Variants in CD247 observed in about 807,000 individuals in gnomAD.
CD247 encodes the protein CD247 molecule.
CD247 carries 13 observed loss-of-function variants against 30.0 expected under a neutral mutation model. The ratio of observed to expected loss-of-function variants is 0.43; its 90% CI spans 0.28 to 0.69. The LOEUF (loss-of-function observed/expected upper bound fraction) is 0.69. Among genes scored for constraint, CD247 ranks in the 30% least tolerant of loss-of-function variants. The pLI, the probability that CD247 is intolerant of heterozygous loss-of-function variation, is 0.16. For synonymous variants in CD247, 72 were observed against 80.0 expected (o/e 0.90, Z 0.53); for missense variants, 193 against 212.6 (o/e 0.91, Z 0.57).
At chr1:167,482,594 G>T (rs574972262) in intron 1 of CD247, among the ~76,000 whole-genome samples, 1 of 152,188 alleles carries the variant, frequency 6.6e-6, no homozygotes, top group Non-Finnish European at 1.5e-5. Context: ...GTGGAGAATC[G>T]TGACTCCACA....
chr1:167,435,539 C>G, intron 4 of CD247, 105 bp from the exon 5 acceptor site: 1 of 894,080 alleles, frequency 1.1e-6, no homozygotes, highest in East Asian at 2.4e-5. Flanking sequence ...TCCTGGGGCT[C>G]TGCCGTCTGC....
intron 4 of CD247, among the ~76,000 whole-genome samples, chr1:167,436,895 A>T (rs61806156): frequency 1.5e-4 from 23 of 152,220 alleles, no homozygotes; most frequent in Non-Finnish European, 3.1e-4. Context: ...AAATTAATAC[A>T]ACCATTATGG....
chr1:167,431,503 G>T lies in CD247; in HGVS notation c.*178C>A. 1.4e-6 allele frequency: 1 copy of T among 696,822 alleles called. No individual in the cohort carries two copies. The highest frequency in any genetic ancestry group is 2.6e-6 in the Non-Finnish European group (1 of 383,132). The allele number at this position is 696,822 out of a possible 1,614,324, so 43.2% of individuals were successfully genotyped here. On this transcript the variant is annotated 3_prime_UTR_variant, in exon 8 of 8. Transcript: ENST00000362089. ...CTGGGAGTACACTCCCTTAAAGAGT[G>T]CAGGGACAACAGTCTGTGTGTGAAG...
At chr1:167,463,988 A>C (rs1187200126) in intron 1 of CD247, among the ~76,000 whole-genome samples, 1 of 152,150 alleles carries the variant, frequency 6.6e-6, no homozygotes, top group Non-Finnish European at 1.5e-5. Flanking sequence ...CGAGACAATA[A>C]AACATCCCAG....
At chr1:167,448,082 G>A (rs979924675) in intron 1 of CD247, among the ~76,000 whole-genome samples, 12 of 152,044 alleles carry the variant, frequency 7.9e-5, no homozygotes, top group Non-Finnish European at 1.5e-4. Flanking sequence ...CCCTTTCATC[G>A]AATAACTAAC....
At chr1:167,515,452 G>A (rs927584783) in intron 1 of CD247, among the ~76,000 whole-genome samples, 1 of 152,212 alleles carries the variant, frequency 6.6e-6, no homozygotes, top group Non-Finnish European at 1.5e-5. Context: ...GGCAAAGTAA[G>A]TGGCACTGAG....
intron 1 of CD247, among the ~76,000 whole-genome samples, chr1:167,459,008 G>A (rs181296764): frequency 8.8e-4 from 134 of 151,650 alleles, no homozygotes; most frequent in African/African-American, 3.0e-3. Flanking sequence ...TGTGGCGTGC[G>A]CCTGTTATCC....
chr1:167,512,316 T>C (rs1247480377), intron 1 of CD247, among the ~76,000 whole-genome samples: 1 of 151,974 alleles, frequency 6.6e-6, no homozygotes, highest in African/African-American at 2.4e-5. Context: ...TGTGGTAAGG[T>C]GAGAGCCCAG....
chr1:167,488,685 G>A (rs1654314762), intron 1 of CD247, among the ~76,000 whole-genome samples: 1 of 152,208 alleles, frequency 6.6e-6, no homozygotes. Context: ...CTAGGAGAAA[G>A]TTTGGAAGCC....
At position 167,490,130 on chromosome 1, in the gene CD247, T is replaced by A. The variant is rs1490123031; in HGVS notation, c.58+28278A>T. Among the ~76,000 whole-genome samples, 3 of 151,448 alleles carry A rather than the reference T, an allele frequency of 2.0e-5. No individual in the cohort carries two copies. In the East Asian group the frequency reaches 5.9e-4, roughly 30 times the overall value. ...AAAGCAAGCAATGTCCCCAAGCAAATCCATATATCCGGGACCTACGGCGGC... is the reference window on the plus strand; with the variant it reads ...AAAGCAAGCAATGTCCCCAAGCAAAACCATATATCCGGGACCTACGGCGGC... On this transcript the variant is annotated intron_variant, in intron 1 of 7. Transcript: ENST00000362089.
At chr1:167,505,461 T>C (rs538685206) in intron 1 of CD247, among the ~76,000 whole-genome samples, 1 of 152,390 alleles carries the variant, frequency 6.6e-6, no homozygotes, top group South Asian at 2.1e-4. Flanking sequence ...ATAGCTTTCT[T>C]GCTGCCTGCC....
At chr1:167,506,586 C>G (rs1431324537) in intron 1 of CD247, among the ~76,000 whole-genome samples, 1 of 151,864 alleles carries the variant, frequency 6.6e-6, no homozygotes, top group African/African-American at 2.4e-5. Context: ...GTTGCCAAGG[C>G]TTGCTGTCTA....
At chr1:167,484,021 C>T (rs993281786) in intron 1 of CD247, among the ~76,000 whole-genome samples, 22 of 152,312 alleles carry the variant, frequency 1.4e-4, no homozygotes, top group Admixed American at 1.2e-3. Flanking sequence ...CCGCTGGTGC[C>T]GTGTGGGAGT....
intron 1 of CD247, among the ~76,000 whole-genome samples, chr1:167,467,693 G>T (rs1653321390): frequency 6.6e-6 from 1 of 152,072 alleles, no homozygotes; most frequent in Non-Finnish European, 1.5e-5. Context: ...GGATTTATTT[G>T]TCTGTCTGCA....
intron 1 of CD247, among the ~76,000 whole-genome samples, chr1:167,453,690 A>G (rs1345192122): frequency 3.9e-5 from 6 of 152,226 alleles, no homozygotes; most frequent in Non-Finnish European, 8.8e-5. Context: ...AAAGGTGGCC[A>G]GGTGCAGTGG....
chr1:167,479,257 ATTGT>A (rs1361844052), intron 1 of CD247, among the ~76,000 whole-genome samples: 6 of 152,206 alleles, frequency 3.9e-5, no homozygotes, highest in Admixed American at 1.3e-4. Context: ...TGGATGAGAA[ATTGT>A]TTGTTTCTGT....
At chr1:167,495,346 G>A (rs35699275) in intron 1 of CD247, among the ~76,000 whole-genome samples, 12 of 152,300 alleles carry the variant, frequency 7.9e-5, no homozygotes, top group African/African-American at 2.6e-4. Flanking sequence ...CCCAGAGCTT[G>A]GGACTGGGTA....
At chr1:167,434,455 G>T in intron 5 of CD247, 4 of 358,798 alleles carry the variant, frequency 1.1e-5, no homozygotes, top group South Asian at 8.9e-5. Context: ...AGCCAAACGG[G>T]CTGTAGATCA....
intron 1 of CD247, among the ~76,000 whole-genome samples, chr1:167,454,442 C>A (rs1050162652): frequency 6.6e-6 from 1 of 152,166 alleles, no homozygotes; most frequent in Non-Finnish European, 1.5e-5. Flanking sequence ...AAGGTGTGTG[C>A]GGCAAGATTC....
Sources: gnomAD v4.1 joint callset for allele counts (sites outside exome capture counted in the v4.1 genomes callset) on GRCh38, gnomAD v4.1.1 for gene constraint, MANE v1.5 for transcripts, NCBI Gene and HGNC (gene_info 2026-07-23, HGNC 2026-07-21) for gene names.